CALN1: variants seen among roughly 807,000 people sequenced by gnomAD.
The protein encoded by CALN1 is calcium-binding protein 8.
A neutral mutation model predicts 30.6 loss-of-function variants in CALN1; 17 were observed. The observed-to-expected ratio is 0.56, with a 90% CI of 0.38 to 0.83. The LOEUF (loss-of-function observed/expected upper bound fraction) is 0.83, where lower values mean the gene tolerates loss of function less well. CALN1 is among the 40% of genes least tolerant of loss of function. The pLI, the probability that CALN1 is intolerant of heterozygous loss-of-function variation, is 0.00. For synonymous variants in CALN1, 156 were observed against 131.4 expected (o/e 1.19, Z -1.28); for missense variants, 291 against 354.9 (o/e 0.82, Z 1.45).
intron 2 of CALN1, among the ~76,000 whole-genome samples, chr7:72,349,491 T>C (rs1033142781): frequency 6.6e-6 from 1 of 151,862 alleles, no homozygotes; most frequent in Non-Finnish European, 1.5e-5. Context: ...AAACCAATGA[T>C]AGAGAAAAAT....
At chr7:72,002,114 A>G (rs1338945809) in intron 5 of CALN1, among the ~76,000 whole-genome samples, 1 of 152,216 alleles carries the variant, frequency 6.6e-6, no homozygotes, top group Non-Finnish European at 1.5e-5. Flanking sequence ...TCTCTATAAG[A>G]TTGGGAAGGA....
At chr7:72,239,226 A>C (rs1004765064) in intron 3 of CALN1, among the ~76,000 whole-genome samples, 1 of 151,946 alleles carries the variant, frequency 6.6e-6, no homozygotes, top group Non-Finnish European at 1.5e-5. Flanking sequence ...CCAAGACCCC[A>C]CCTTTCCAAA....
intron 5 of CALN1, among the ~76,000 whole-genome samples, chr7:71,930,355 C>A (rs1795485867): frequency 6.6e-6 from 1 of 152,066 alleles, no homozygotes; most frequent in Admixed American, 6.6e-5. Flanking sequence ...TGATTACTGG[C>A]CTTTTGTGTA....
chr7:71,828,990 C>G (rs1789100104), intron 5 of CALN1, among the ~76,000 whole-genome samples: 1 of 151,924 alleles, frequency 6.6e-6, no homozygotes, highest in South Asian at 2.1e-4. Flanking sequence ...CTCAGGTGAT[C>G]CATCTCGGCC....
chr7:72,156,714 T>C (rs1787706785), intron 3 of CALN1, among the ~76,000 whole-genome samples: 1 of 152,216 alleles, frequency 6.6e-6, no homozygotes, highest in African/African-American at 2.4e-5. Flanking sequence ...CAAAGTGTTC[T>C]GTTTGTATCA....
chr7:71,900,041 C>G (rs1793764206), intron 5 of CALN1, among the ~76,000 whole-genome samples: 1 of 152,112 alleles, frequency 6.6e-6, no homozygotes, highest in South Asian at 2.1e-4. Context: ...CTAGACTTGT[C>G]TACTTTAAAT....
At position 71,786,302 on chromosome 7, in the gene CALN1, C is replaced by G. The variant is rs1283237834; in HGVS notation, c.*1473G>C. On this transcript the variant is annotated 3_prime_UTR_variant, in exon 7 of 7. Coordinates refer to ENST00000395275, the MANE Select transcript of CALN1 (RefSeq NM_031468.4). Reference sequence around the variant, plus strand: ...AGGATGTAATCAAAAGAAGTAGGAGCAAGGTAATTCCATTACAAAATAAAG... The same window carrying G: ...AGGATGTAATCAAAAGAAGTAGGAGGAAGGTAATTCCATTACAAAATAAAG... The G allele has an allele frequency of 2.0e-5, 3 of 152,132 alleles. No individual in the cohort carries two copies. Among genetic ancestry groups the G allele is most frequent in the Non-Finnish European group, 4.4e-5 (3 of 68,028 alleles). 9.4% of individuals were successfully genotyped at this position (152,132 alleles called of 1,614,324 possible).
chr7:72,059,635 G>T (rs941903969), intron 4 of CALN1, among the ~76,000 whole-genome samples: 1 of 146,680 alleles, frequency 6.8e-6, no homozygotes, highest in Non-Finnish European at 1.5e-5. Flanking sequence ...TGTGAACTCA[G>T]GGTACCCACA....
At chr7:71,831,237 T>C (rs1391862300) in intron 5 of CALN1, among the ~76,000 whole-genome samples, 1 of 152,116 alleles carries the variant, frequency 6.6e-6, no homozygotes, top group East Asian at 1.9e-4. Context: ...TCCCAGCATT[T>C]TGGAAGGCCG....
chr7:72,025,707 T>C (rs1320151166), intron 4 of CALN1, among the ~76,000 whole-genome samples: 3 of 152,184 alleles, frequency 2.0e-5, no homozygotes, highest in African/African-American at 7.2e-5. Context: ...ACCACATCCC[T>C]ACCTTGGCTG....
intron 4 of CALN1, among the ~76,000 whole-genome samples, chr7:72,087,396 C>G (rs1805549900): frequency 1.3e-5 from 2 of 152,076 alleles, no homozygotes; most frequent in African/African-American, 4.8e-5. Context: ...GCCGGGCACG[C>G]TGGTGTGCTC....
the CALN1 span, among the ~76,000 whole-genome samples, chr7:72,487,960 AAGG>A: frequency 4.5e-5 from 5 of 112,178 alleles, no homozygotes; most frequent in East Asian, 8.5e-4. Context: ...GAAGGAAAGG[AAGG>A]AAGGAAGGAA....
intron 5 of CALN1, among the ~76,000 whole-genome samples, chr7:71,977,833 G>A (rs1041942228): frequency 1.3e-5 from 2 of 151,230 alleles, no homozygotes; most frequent in African/African-American, 2.4e-5. Flanking sequence ...TTGGGAGGTT[G>A]AGGAAGGAGA....
intron 3 of CALN1, among the ~76,000 whole-genome samples, chr7:72,168,719 C>T (rs1425339335): frequency 6.6e-6 from 1 of 151,952 alleles, no homozygotes; most frequent in Non-Finnish European, 1.5e-5. Flanking sequence ...CCATACTACC[C>T]TTCCTCTGCC....
At chr7:72,336,337 G>T (rs1366729870) in intron 2 of CALN1, among the ~76,000 whole-genome samples, 1 of 152,160 alleles carries the variant, frequency 6.6e-6, no homozygotes, top group South Asian at 2.1e-4. Context: ...GCGGGCGGGG[G>T]CGCGCAGCCT....
chr7:71,867,185 A>G (rs940733401), intron 5 of CALN1, among the ~76,000 whole-genome samples: 2 of 152,100 alleles, frequency 1.3e-5, no homozygotes, highest in South Asian at 2.1e-4. Flanking sequence ...CATTACTCAA[A>G]TTGATAGAGT....
At chr7:72,405,959 G>A (rs1806667754) in intron 1 of CALN1, among the ~76,000 whole-genome samples, 1 of 152,160 alleles carries the variant, frequency 6.6e-6, no homozygotes, top group Non-Finnish European at 1.5e-5. Flanking sequence ...CCAGGCTTCT[G>A]AGCCCAATAC....
chr7:72,193,042 G>T (rs1790736621), intron 3 of CALN1, among the ~76,000 whole-genome samples: 1 of 151,942 alleles, frequency 6.6e-6, no homozygotes. Context: ...ACAAAAATTA[G>T]CCGGGAGTGG....
intron 6 of CALN1, among the ~76,000 whole-genome samples, chr7:71,801,285 T>G (rs192687261): frequency 2.4e-4 from 36 of 152,272 alleles, no homozygotes; most frequent in African/African-American, 7.7e-4. Context: ...CGACTGTGGC[T>G]TACTGCAGCC....
Sources: gnomAD v4.1 joint callset for allele counts (sites outside exome capture counted in the v4.1 genomes callset) on GRCh38, gnomAD v4.1.1 for gene constraint, MANE v1.5 for transcripts, NCBI Gene and HGNC (gene_info 2026-07-23, HGNC 2026-07-21) for gene names.